The following ERG variants were observed in gnomAD, a reference collection of about 807,000 sequenced individuals.
The protein encoded by ERG is transcriptional regulator ERG.
Under a neutral mutation model 55.3 loss-of-function variants are expected in ERG, and 9 were observed. The ratio of observed to expected loss-of-function variants is 0.16; its 90% CI spans 0.10 to 0.28. The LOEUF (loss-of-function observed/expected upper bound fraction) is 0.28. ERG is among the 10% of genes least tolerant of loss of function. The pLI is 1.00. For synonymous variants in ERG, 223 were observed against 237.3 expected, an observed-to-expected ratio of 0.94 and a Z score of 0.55; for missense variants, 434 against 631.6, an observed-to-expected ratio of 0.69 and a Z score of 3.35.
intron 1 of ERG, among the ~76,000 whole-genome samples, chr21:38,616,992 T>C (rs981373511): frequency 6.6e-6 from 1 of 152,186 alleles, no homozygotes; most frequent in Non-Finnish European, 1.5e-5. Flanking sequence ...TGAAAATATA[T>C]TGAGGGATAT....
chr21:38,661,460 G>C (rs185592808), intron 1 of ERG, among the ~76,000 whole-genome samples: 203 of 152,294 alleles, frequency 1.3e-3, no homozygotes, highest in African/African-American at 4.7e-3. Context: ...CGGGACGCGG[G>C]GATGCCGAGG....
At chr21:38,636,961 A>G (rs1334779448) in intron 1 of ERG, among the ~76,000 whole-genome samples, 1 of 152,238 alleles carries the variant, frequency 6.6e-6, no homozygotes, top group African/African-American at 2.4e-5. Context: ...GATTCTTAAC[A>G]AATGGGAGAC....
intron 1 of ERG, among the ~76,000 whole-genome samples, chr21:38,649,098 C>T (rs1273561206): frequency 1.3e-5 from 2 of 152,146 alleles, no homozygotes; most frequent in South Asian, 2.1e-4. Context: ...AAAATAAACT[C>T]GATGGTTCTC....
chr21:38,644,279 T>A (rs889171321), intron 1 of ERG, among the ~76,000 whole-genome samples: 2 of 152,194 alleles, frequency 1.3e-5, no homozygotes, highest in African/African-American at 4.8e-5. Context: ...AGTAGAAGAA[T>A]CCCTTTTAAA....
chr21:38,441,699 T>C (rs1367598316), intron 2 of ERG, among the ~76,000 whole-genome samples: 1 of 152,124 alleles, frequency 6.6e-6, no homozygotes, highest in Non-Finnish European at 1.5e-5. Flanking sequence ...CCCTGGAACA[T>C]CCTTGTGGGT....
intron 2 of ERG, among the ~76,000 whole-genome samples, chr21:38,545,260 G>A (rs796751343): frequency 2.6e-4 from 40 of 152,220 alleles, no homozygotes; most frequent in African/African-American, 9.1e-4. Context: ...GAGTAACGAA[G>A]CCATAAAATG....
chr21:38,610,524 CGCGTGT>C (rs1270963208), intron 1 of ERG, among the ~76,000 whole-genome samples: 2 of 117,226 alleles, frequency 1.7e-5, no homozygotes, highest in Admixed American at 7.6e-5. Context: ...TGCGCGCACG[CGCGTGT>C]GTGTGTGTGT....
At chr21:38,572,867 A>G (rs901867667) in intron 2 of ERG, among the ~76,000 whole-genome samples, 1 of 152,244 alleles carries the variant, frequency 6.6e-6, no homozygotes, top group Admixed American at 6.5e-5. Flanking sequence ...TGTAGGGAAA[A>G]GAAAGAGAGA....
At chr21:38,461,732 A>T (rs1016777455) in intron 1 of ERG, among the ~76,000 whole-genome samples, 1 of 152,244 alleles carries the variant, frequency 6.6e-6, no homozygotes, top group Non-Finnish European at 1.5e-5. Flanking sequence ...ACTTCTCATT[A>T]ACATTTTCTT....
intron 1 of ERG, among the ~76,000 whole-genome samples, chr21:38,632,471 G>A (rs1251981125): frequency 6.6e-6 from 1 of 152,182 alleles, no homozygotes; most frequent in Non-Finnish European, 1.5e-5. Flanking sequence ...ACCTTGAATT[G>A]TAATAATCCC....
At chr21:38,652,635 A>G (rs2060495000) in intron 1 of ERG, among the ~76,000 whole-genome samples, 1 of 152,200 alleles carries the variant, frequency 6.6e-6, no homozygotes, top group South Asian at 2.1e-4. Flanking sequence ...ATGCTCAGAC[A>G]ATGACTCCTG....
chr21:38,429,310 A>C (rs1378293999), intron 2 of ERG, among the ~76,000 whole-genome samples: 2 of 151,850 alleles, frequency 1.3e-5, no homozygotes, highest in Admixed American at 6.6e-5. Flanking sequence ...ATATGTATAT[A>C]TGTACATATA....
At chr21:38,373,306 T>A in the ERG span, among the ~76,000 whole-genome samples, 1 of 152,264 alleles carries the variant, frequency 6.6e-6, no homozygotes, top group Non-Finnish European at 1.5e-5. Context: ...TCTTATTGTT[T>A]CCTTTTACAT....
chr21:38,381,129 C>A lies in ERG; in HGVS notation c.*2274G>T. 2.8e-6 allele frequency: 3 copies of A among 1,064,902 alleles called. No individual in the cohort carries two copies. Among genetic ancestry groups the A allele is most frequent in the Non-Finnish European group, 3.4e-6 (3 of 879,084 alleles). 66.0% of individuals were successfully genotyped at this position (1,064,902 alleles called of 1,614,324 possible). A position where few individuals can be genotyped will look rare whatever the true frequency, so the allele number is the denominator to read the frequency against. The stretch of plus-strand genomic sequence containing the variant: ...AGGAGCATTGGTAATCGTGTCCTGC[C>A]GACTTCAAAGCCCACTGCCAAAACA... On this transcript the variant is annotated 3_prime_UTR_variant, in exon 10 of 10. Transcript: ENST00000288319.
chr21:38,632,571 C>T (rs749016418), intron 1 of ERG, among the ~76,000 whole-genome samples: 8 of 152,122 alleles, frequency 5.3e-5, no homozygotes, highest in Non-Finnish European at 7.4e-5. Flanking sequence ...ATAAGTCTCA[C>T]GAGATTTGAT....
At chr21:38,652,630 C>T (rs1820058809) in intron 1 of ERG, among the ~76,000 whole-genome samples, 1 of 152,188 alleles carries the variant, frequency 6.6e-6, no homozygotes, top group Admixed American at 6.5e-5. Context: ...ACCAAATGCT[C>T]AGACAATGAC....
chr21:38,400,104 T>A (rs1297869944), intron 6 of ERG: 1 of 328,752 alleles, frequency 3.0e-6, no homozygotes, highest in Non-Finnish European at 5.9e-6. Flanking sequence ...ATTTATTACC[T>A]AATTAAATCA....
intron 2 of ERG, among the ~76,000 whole-genome samples, chr21:38,438,480 C>A (rs2058811161): frequency 6.6e-6 from 1 of 152,240 alleles, no homozygotes; most frequent in South Asian, 2.1e-4. Flanking sequence ...ATGGACCCAG[C>A]AGATACTCCC....
upstream of ERG, among the ~76,000 whole-genome samples, chr21:38,585,532 C>CTTCTTTTTTTTTTTTTTTT (rs777496862): frequency 1.7e-5 from 1 of 59,270 alleles, no homozygotes; most frequent in Admixed American, 2.9e-4. Flanking sequence ...TCTCTCTCTT[C>CTTCTTTTTTTTTTTTTTTT]TTTTTTTTTT....
Sources: gnomAD v4.1 joint callset for allele counts (sites outside exome capture counted in the v4.1 genomes callset) on GRCh38, gnomAD v4.1.1 for gene constraint, MANE v1.5 for transcripts, NCBI Gene and HGNC (gene_info 2026-07-23, HGNC 2026-07-21) for gene names.